The following LPCAT3 variants were observed in gnomAD, a reference collection of about 807,000 sequenced individuals.
LPCAT3 encodes lysophosphatidylcholine acyltransferase 3.
Under a neutral mutation model 63.4 loss-of-function variants are expected in LPCAT3, and 21 were observed. That is an observed-to-expected ratio of 0.33 (90% confidence interval 0.23 to 0.48). The LOEUF (loss-of-function observed/expected upper bound fraction) is 0.48, where lower values mean the gene tolerates loss of function less well. Among genes scored for constraint, LPCAT3 ranks in the 20% least tolerant of loss-of-function variants. LPCAT3 has a pLI of 0.99. For synonymous variants in LPCAT3, 242 were observed against 227.5 expected (o/e 1.06, Z -0.58); for missense variants, 451 against 590.6 (o/e 0.76, Z 2.45).
At chr12:6,990,789 C>T (rs1412643155) in intron 1 of LPCAT3, among the ~76,000 whole-genome samples, 27 of 150,212 alleles carry the variant, frequency 1.8e-4, no homozygotes, top group African/African-American at 4.1e-4. Context: ...TGGTGGCAGG[C>T]GCCTGTGATC....
intron 1 of LPCAT3, among the ~76,000 whole-genome samples, chr12:7,013,519 C>G (rs1162077463): frequency 2.0e-5 from 3 of 152,136 alleles, no homozygotes; most frequent in African/African-American, 7.2e-5. Flanking sequence ...GTAGATGGAT[C>G]TGAGACACAA....
chr12:6,979,489 G>T lies in LPCAT3; in HGVS notation c.768C>A (p.Leu256=). The T allele has an allele frequency of 6.2e-7, 1 of 1,612,778 alleles. No homozygotes were observed. The highest frequency in any genetic ancestry group is 8.5e-7 in the Non-Finnish European group (1 of 1,178,720). The change falls in exon 7 of 13, where the codon CTC becomes CTA. Residue 256 remains leucine, a synonymous_variant. Coordinates refer to ENST00000261407, the MANE Select transcript of LPCAT3 (RefSeq NM_005768.6). ...CACTCACGTCATAGTCTTCAGTGAG[G>T]AGATAGTCTTCTGTGATGTGGGGGC... ...LLSPHITEDY[L]LTEDYDNHPF...
At chr12:6,979,227 T>C (rs1012323178) in intron 7 of LPCAT3, 19 of 544,974 alleles carry the variant, frequency 3.5e-5, no homozygotes, top group Admixed American at 1.3e-4. Context: ...TAGGAGCGGC[T>C]CCTAGAGAAG....
intron 1 of LPCAT3, among the ~76,000 whole-genome samples, chr12:6,994,127 G>A (rs1555155815): frequency 6.6e-6 from 1 of 152,158 alleles, no homozygotes; most frequent in Non-Finnish European, 1.5e-5. Context: ...ATGAGCCCAT[G>A]TACAAGTTTT....
intron 1 of LPCAT3, among the ~76,000 whole-genome samples, chr12:7,015,441 A>G (rs1209971796): frequency 6.6e-6 from 1 of 152,240 alleles, no homozygotes; most frequent in Non-Finnish European, 1.5e-5. Context: ...CTGAAAGGCT[A>G]CTGGTTTCTA....
chr12:7,004,016 AT>A (rs1213715051), intron 1 of LPCAT3, among the ~76,000 whole-genome samples: 2 of 152,062 alleles, frequency 1.3e-5, no homozygotes, highest in African/African-American at 4.8e-5. Context: ...ATGCCTTGGC[AT>A]CTTACTTAGC....
At position 7,017,127 on chromosome 12, in the gene LPCAT3, A is replaced by G. The variant is rs114591194; in HGVS notation, c.151+1147T>C. ...TCCACACCTGCCCAACTTTATCTCA[A>G]ACTTCTCATGGTTCAGACCTCTAAC... is the stretch of plus-strand genomic sequence containing the variant. On this transcript the variant is annotated intron_variant, in intron 1 of 12. Coordinates refer to ENST00000261407, the MANE Select transcript of LPCAT3 (RefSeq NM_005768.6). This position sits in a 1 kb window ranked among gnomAD's most constrained non-coding sequence, Gnocchi z 4.1. Among the ~76,000 whole-genome samples, 129 of 152,188 alleles carry G rather than the reference A, an allele frequency of 8.5e-4. 2 individuals are homozygous for G. Among genetic ancestry groups the G allele is most frequent in the African/African-American group, 2.9e-3 (122 of 41,524 alleles).
intron 1 of LPCAT3, among the ~76,000 whole-genome samples, chr12:7,011,368 A>T (rs1212902007): frequency 7.2e-5 from 11 of 152,148 alleles, no homozygotes; most frequent in African/African-American, 2.4e-4. Context: ...ATTCTTGGCC[A>T]GGGGCAATGG....
rs1441293417 is a variant in LPCAT3, at chr12:6,987,070, G to A, written c.152-3531C>T. On this transcript the variant is annotated intron_variant, in intron 1 of 12. Transcript: ENST00000261407. This position sits in a 1 kb window ranked among gnomAD's most constrained non-coding sequence, Gnocchi z 4.1. ...GGAGGTGGCAGTGAGCTGAGATCAC[G>A]CCATTGCACTCCAGCTTGGGCAACG... Among the ~76,000 whole-genome samples, 2 of 151,686 alleles carry A rather than the reference G, an allele frequency of 1.3e-5. No individual in the cohort carries two copies. Among genetic ancestry groups the A allele is most frequent in the East Asian group, 1.9e-4 (1 of 5,194 alleles).
intron 1 of LPCAT3, among the ~76,000 whole-genome samples, chr12:7,006,967 C>T (rs1369204096): frequency 2.6e-5 from 4 of 152,118 alleles, no homozygotes; most frequent in African/African-American, 9.7e-5. Flanking sequence ...ATATAGAGAT[C>T]GGAACTTTAA....
intron 7 of LPCAT3, chr12:6,979,034 C>G (rs1555153710): frequency 9.9e-6 from 3 of 303,432 alleles, no homozygotes; most frequent in African/African-American, 2.2e-5. Context: ...GAAACCTGCC[C>G]AGAATTACTG....
chr12:7,002,771 G>A (rs782641241), intron 1 of LPCAT3, among the ~76,000 whole-genome samples: 1 of 152,346 alleles, frequency 6.6e-6, no homozygotes, highest in South Asian at 2.1e-4. Context: ...AGCACTTTGG[G>A]AGGCTGAGGT....
chr12:7,014,724 G>A (rs1222911526), intron 1 of LPCAT3, among the ~76,000 whole-genome samples: 2 of 151,750 alleles, frequency 1.3e-5, no homozygotes, highest in South Asian at 2.1e-4. Context: ...GTGAAACCCC[G>A]TCTCTACTAA....
At chr12:6,978,744 C>A in intron 7 of LPCAT3, 55 bp from the exon 8 acceptor site, 2 of 1,599,720 alleles carry the variant, frequency 1.3e-6, no homozygotes, top group South Asian at 1.1e-5. Flanking sequence ...GGCAGTTTCT[C>A]TCAGCACTCT....
chr12:6,983,393 C>G, intron 2 of LPCAT3, 39 bp downstream of exon 2: 1 of 1,360,718 alleles, frequency 7.3e-7, no homozygotes. Flanking sequence ...TTCCAGGTTC[C>G]CACTAATTGC....
In LPCAT3 at chr12:7,017,722, TAAAA is replaced by T. The variant is rs781998819; in HGVS notation, c.151+548_151+551del. The stretch of plus-strand genomic sequence containing the variant: ...AATGACAGGTAGGTGGCTTGGAAAA[TAAAA>T]AAAGCAACATGGTATAAAAAGAAAA... On this transcript the variant is annotated intron_variant, in intron 1 of 12. Coordinates refer to ENST00000261407, the MANE Select transcript of LPCAT3 (RefSeq NM_005768.6). The surrounding 1 kb of genome is among the most constrained non-coding windows in gnomAD (Gnocchi z 4.1). 5.3e-5 allele frequency among the ~76,000 whole-genome samples: 8 copies of T among 151,092 alleles called. No homozygotes were observed. The South Asian group carries it at 8.3e-4, about 16-fold the overall frequency.
chr12:6,986,046 A>G (rs1946522358), intron 1 of LPCAT3, among the ~76,000 whole-genome samples: 2 of 151,574 alleles, frequency 1.3e-5, no homozygotes, highest in African/African-American at 4.8e-5. Context: ...AAGTGCTAGG[A>G]TTACAGGCGT....
intron 1 of LPCAT3, among the ~76,000 whole-genome samples, chr12:6,992,766 G>C (rs1279511870): frequency 2.0e-5 from 3 of 151,986 alleles, no homozygotes; most frequent in Non-Finnish European, 2.9e-5. Flanking sequence ...CATTGGTTTT[G>C]AATACAGTTA....
At chr12:7,014,049 C>T (rs1946782243) in intron 1 of LPCAT3, among the ~76,000 whole-genome samples, 4 of 152,262 alleles carry the variant, frequency 2.6e-5, no homozygotes, top group Admixed American at 2.6e-4. Context: ...AGTGCCTCTG[C>T]TCATGCTATT....
Sources: allele counts gnomAD v4.1 joint callset (sites outside exome capture counted in the v4.1 genomes callset), GRCh38; gene constraint gnomAD v4.1.1; non-coding constraint Gnocchi (gnomAD v3.1); transcripts MANE v1.5; gene names NCBI Gene and HGNC (gene_info 2026-07-23, HGNC 2026-07-21).